Variants in GPHN observed in about 807,000 individuals in gnomAD.
GPHN encodes the protein gephyrin.
A neutral mutation model predicts 95.5 loss-of-function variants in GPHN; 17 were observed. The observed-to-expected ratio is 0.18, with a 90% CI of 0.12 to 0.27. GPHN has a LOEUF of 0.27. Ranked by LOEUF, GPHN falls within the 10% of genes least tolerant of loss-of-function variation. The pLI is 1.00. For missense variants in GPHN, 660 were observed against 978.1 expected (o/e 0.67, Z 4.34); for synonymous variants, 320 against 322.5 (o/e 0.99, Z 0.08).
chr14:66,679,257 A>G (rs185483468), intron 1 of GPHN, among the ~76,000 whole-genome samples: 1 of 152,344 alleles, frequency 6.6e-6, no homozygotes, highest in Admixed American at 6.5e-5. Flanking sequence ...TATTTTAAAC[A>G]TATTGTCCCA....
chr14:66,839,808 C>A (rs1474057821), intron 4 of GPHN, among the ~76,000 whole-genome samples: 1 of 151,906 alleles, frequency 6.6e-6, no homozygotes, highest in Non-Finnish European at 1.5e-5. Flanking sequence ...ATATAAGTTT[C>A]CATTTATGGG....
chr14:66,976,232 T>G (rs2070211561), intron 9 of GPHN, among the ~76,000 whole-genome samples: 1 of 152,352 alleles, frequency 6.6e-6, no homozygotes, highest in Non-Finnish European at 1.5e-5. Context: ...ATATCCACTC[T>G]AGTTTTGTTC....
At chr14:67,050,035 G>T (rs1388159665) in intron 10 of GPHN, among the ~76,000 whole-genome samples, 1 of 152,076 alleles carries the variant, frequency 6.6e-6, no homozygotes, top group African/African-American at 2.4e-5. Flanking sequence ...TATATCCAAA[G>T]GTCCTTGTGT....
chr14:67,452,050 G>A, the GPHN span, among the ~76,000 whole-genome samples: 1 of 152,140 alleles, frequency 6.6e-6, no homozygotes, highest in Non-Finnish European at 1.5e-5. Flanking sequence ...CGGGAGTTTC[G>A]GCTGGGCATG....
At chr14:67,688,598 CTTT>C in the GPHN span, among the ~76,000 whole-genome samples, 12 of 136,508 alleles carry the variant, frequency 8.8e-5, no homozygotes, top group Non-Finnish European at 7.9e-5. Flanking sequence ...GCTTTGAACT[CTTT>C]TTTTTTTTTT....
the GPHN span, chr14:67,692,885 A>C: frequency 1.4e-5 from 17 of 1,227,682 alleles, no homozygotes; most frequent in East Asian, 3.9e-4. Context: ...CATTACTGTG[A>C]GGGGTAAAAC....
chr14:67,618,331 G>A, the GPHN span, among the ~76,000 whole-genome samples: 2 of 152,042 alleles, frequency 1.3e-5, no homozygotes, highest in African/African-American at 4.8e-5. Flanking sequence ...AGTATCTGGT[G>A]ACCCATAGCA....
At chr14:66,859,128 T>C (rs1053616841) in intron 4 of GPHN, among the ~76,000 whole-genome samples, 2 of 152,156 alleles carry the variant, frequency 1.3e-5, no homozygotes, top group African/African-American at 2.4e-5. Context: ...TTCACATCTG[T>C]TAATCGTACA....
At chr14:66,886,947 G>A (rs930110833) in intron 5 of GPHN, among the ~76,000 whole-genome samples, 2 of 152,104 alleles carry the variant, frequency 1.3e-5, no homozygotes, top group Admixed American at 6.6e-5. Flanking sequence ...AAACTCAGTC[G>A]CTACAATTTT....
At chr14:66,564,628 A>G (rs1465647340) in intron 1 of GPHN, among the ~76,000 whole-genome samples, 2 of 152,340 alleles carry the variant, frequency 1.3e-5, no homozygotes, top group East Asian at 1.9e-4. Context: ...CACAAATCCA[A>G]CATTTTGATA....
At position 67,095,741 on chromosome 14, in the gene GPHN, G is replaced by A. The variant is rs556193488; in HGVS notation, c.1238-5115G>A. Reference sequence around the variant, plus strand: ...GGGAATTGAACAGTGAGAACCCATGGACACAGGAAGGGGAACATCACACTC... The same window carrying A: ...GGGAATTGAACAGTGAGAACCCATGAACACAGGAAGGGGAACATCACACTC... On this transcript the variant is annotated intron_variant, in intron 12 of 22. Transcript: ENST00000478722. 1.8e-4 allele frequency among the ~76,000 whole-genome samples: 28 copies of A among 151,926 alleles called. No homozygotes were observed. In the South Asian group the frequency reaches 5.8e-3, roughly 32 times the overall value.
At chr14:67,245,696 G>T in the GPHN span, among the ~76,000 whole-genome samples, 1 of 151,832 alleles carries the variant, frequency 6.6e-6, no homozygotes, top group Non-Finnish European at 1.5e-5. Context: ...ATTTACGAAG[G>T]TTTTCTTCCA....
chr14:67,227,013 A>G, the GPHN span, among the ~76,000 whole-genome samples: 3 of 152,250 alleles, frequency 2.0e-5, no homozygotes, highest in African/African-American at 7.2e-5. Context: ...TCAATATTTT[A>G]CAATGATTTC....
the GPHN span, among the ~76,000 whole-genome samples, chr14:67,709,477 T>C: frequency 6.6e-6 from 1 of 152,248 alleles, no homozygotes; most frequent in African/African-American, 2.4e-5. Context: ...AAGAAAACCT[T>C]GTTAATCTGA....
At chr14:67,566,078 C>G in the GPHN span, among the ~76,000 whole-genome samples, 1 of 152,210 alleles carries the variant, frequency 6.6e-6, no homozygotes, top group Non-Finnish European at 1.5e-5. Context: ...GAGATTGCGC[C>G]ACTGCACTCC....
At chr14:67,092,491 C>G (rs1344329474) in intron 12 of GPHN, among the ~76,000 whole-genome samples, 1 of 152,032 alleles carries the variant, frequency 6.6e-6, no homozygotes, top group Non-Finnish European at 1.5e-5. Flanking sequence ...CATTGCTAAC[C>G]CTCTAGGTGT....
intron 8 of GPHN, among the ~76,000 whole-genome samples, chr14:66,957,790 G>T (rs561919199): frequency 2.0e-5 from 3 of 152,114 alleles, no homozygotes; most frequent in African/African-American, 7.2e-5. Flanking sequence ...GAAGCGGTCC[G>T]CACAGTGGGA....
the GPHN span, among the ~76,000 whole-genome samples, chr14:67,476,182 G>A: frequency 6.6e-6 from 1 of 152,358 alleles, no homozygotes; most frequent in South Asian, 2.1e-4. Context: ...GGGAATTCCA[G>A]CCTCACATTT....
intron 4 of GPHN, among the ~76,000 whole-genome samples, chr14:66,836,859 G>A (rs934791677): frequency 2.0e-5 from 3 of 151,854 alleles, no homozygotes; most frequent in South Asian, 2.1e-4. Context: ...ACCGTCACTG[G>A]CCATCAGAGA....
Sources: gnomAD v4.1 joint callset for allele counts (sites outside exome capture counted in the v4.1 genomes callset) on GRCh38, gnomAD v4.1.1 for gene constraint, MANE v1.5 for transcripts, NCBI Gene and HGNC (gene_info 2026-07-23, HGNC 2026-07-21) for gene names.